Variants in LRRC75B observed in about 807,000 individuals in gnomAD.
The protein encoded by LRRC75B is leucine-rich repeat-containing protein 75B.
A neutral mutation model predicts 16.5 loss-of-function variants in LRRC75B; 20 were observed. The observed-to-expected ratio is 1.21, with a 90% CI of 0.85 to 1.76. The LOEUF is 1.76. LRRC75B is among the 40% of genes most tolerant of loss of function. The pLI is 0.00. For missense variants in LRRC75B, 406 were observed against 417.0 expected, an observed-to-expected ratio of 0.97 and a Z score of 0.23; for synonymous variants, 199 against 198.1, an observed-to-expected ratio of 1.00 and a Z score of -0.04.
At position 24,593,049 on chromosome 22, in the gene LRRC75B, G is replaced by C; in HGVS notation, c.-10C>G. ...CCAGCCGCGCCCCCATGGCCGCCGC[G>C]CGATGGTCGCCGAACCCACAGGAGG... is the stretch of plus-strand genomic sequence containing the variant. On this transcript the variant is annotated 5_prime_UTR_variant, in exon 1 of 4. Transcript: ENST00000318753. 9.6e-7 allele frequency: 1 copy of C among 1,041,382 alleles called. No homozygotes were observed. The highest frequency in any genetic ancestry group is 5.5e-5 in the Admixed American group (1 of 18,122). The allele number at this position is 1,041,382 out of a possible 1,614,324, so 64.5% of individuals were successfully genotyped here. A position where few individuals can be genotyped will look rare whatever the true frequency, so the allele number is the denominator to read the frequency against.
In LRRC75B at chr22:24,585,848, A is replaced by G. The variant is rs1302085435; in HGVS notation, c.*38T>C. The G allele has an allele frequency of 1.3e-6, 2 of 1,514,182 alleles. No homozygotes were observed. The highest frequency in any genetic ancestry group is 1.8e-6 in the Non-Finnish European group (2 of 1,131,158). 93.8% of individuals were successfully genotyped at this position (1,514,182 alleles called of 1,614,324 possible). ...CGCCCACTATCATGTGCTTGAGAGC[A>G]TCACAAGTCAGTAGCAATGAGCCAG... is the stretch of plus-strand genomic sequence containing the variant. On this transcript the variant is annotated 3_prime_UTR_variant, in exon 4 of 4. Coordinates refer to ENST00000318753, the MANE Select transcript of LRRC75B (RefSeq NM_207644.3).
Position 24,585,830 on chromosome 22 carries a change from T to A in LRRC75B, c.*56A>T. 2 of 1,464,672 alleles carry A rather than the reference T, an allele frequency of 1.4e-6. No individual in the cohort carries two copies. The highest frequency in any genetic ancestry group is 2.7e-5 in the South Asian group (2 of 74,760). 90.7% of individuals were successfully genotyped at this position (1,464,672 alleles called of 1,614,324 possible). Reference sequence around the variant, plus strand: ...GTCCTCCTTGACCTTCATCGCCCACTATCATGTGCTTGAGAGCATCACAAG... The same window carrying A: ...GTCCTCCTTGACCTTCATCGCCCACAATCATGTGCTTGAGAGCATCACAAG... On this transcript the variant is annotated 3_prime_UTR_variant, in exon 4 of 4. Coordinates refer to ENST00000318753, the MANE Select transcript of LRRC75B (RefSeq NM_207644.3).
intron 3 of LRRC75B, among the ~76,000 whole-genome samples, chr22:24,586,907 G>A (rs1406511859): frequency 6.6e-6 from 1 of 152,234 alleles, no homozygotes; most frequent in Non-Finnish European, 1.5e-5. Context: ...AAAATGGGAC[G>A]TGGTTGTTGT....
Position 24,585,801 on chromosome 22 carries a change from G to T in LRRC75B, c.*85C>A. 1 of 1,317,578 alleles carries T rather than the reference G, an allele frequency of 7.6e-7. No homozygotes were observed. Among genetic ancestry groups the T allele is most frequent in the Admixed American group, 2.6e-5 (1 of 37,836 alleles). 81.6% of individuals were successfully genotyped at this position (1,317,578 alleles called of 1,614,324 possible). ...ATTTACACTGGATTTCTGGGGGCCT[G>T]TGAGTCCTCCTTGACCTTCATCGCC... On this transcript the variant is annotated 3_prime_UTR_variant, in exon 4 of 4. Coordinates refer to ENST00000318753, the MANE Select transcript of LRRC75B (RefSeq NM_207644.3).
chr22:24,585,738 T>G lies in LRRC75B; in HGVS notation c.*148A>C. The G allele has an allele frequency of 2.1e-6, 2 of 948,104 alleles. No homozygotes were observed. The highest frequency in any genetic ancestry group is 3.1e-6 in the Non-Finnish European group (2 of 655,524). 58.7% of individuals were successfully genotyped at this position (948,104 alleles called of 1,614,324 possible). A position where few individuals can be genotyped will look rare whatever the true frequency, so the allele number is the denominator to read the frequency against. ...CCAGGGCTGGCCACCTGGCCACCTA[T>G]GAGTCCATTCTTCTGTCCCCTTAAT... is the stretch of plus-strand genomic sequence containing the variant. On this transcript the variant is annotated 3_prime_UTR_variant, in exon 4 of 4. Coordinates refer to ENST00000318753, the MANE Select transcript of LRRC75B (RefSeq NM_207644.3).
intron 2 of LRRC75B, chr22:24,589,569 A>G (rs2045507104): frequency 2.1e-6 from 1 of 485,358 alleles, no homozygotes; most frequent in East Asian, 4.6e-5. Context: ...CCTGGTGCAC[A>G]GTGCTGCCAC....
chr22:24,592,075 C>T (rs912221597), intron 1 of LRRC75B: 2 of 345,826 alleles, frequency 5.8e-6, no homozygotes, highest in East Asian at 8.3e-5. Context: ...TGGCTGACTT[C>T]CTGCTCACAG....
chr22:24,591,787 G>A (rs943960018), intron 1 of LRRC75B, among the ~76,000 whole-genome samples: 16 of 152,366 alleles, frequency 1.1e-4, no homozygotes, highest in African/African-American at 3.8e-4. Flanking sequence ...AGATCCAGGA[G>A]GAAGGCTGGC....
At chr22:24,590,488 C>G (rs1041927809) in intron 1 of LRRC75B, among the ~76,000 whole-genome samples, 5 of 152,038 alleles carry the variant, frequency 3.3e-5, no homozygotes, top group African/African-American at 4.8e-5. Context: ...ATCCCAGAAC[C>G]CTTAGACCAG....
At chr22:24,589,192 C>CCA in intron 2 of LRRC75B, 1 of 1,200,764 alleles carries the variant, frequency 8.3e-7, no homozygotes, top group Non-Finnish European at 1.1e-6. Context: ...CTGGTCACAG[C>CCA]CACACATCCT....
chr22:24,592,715 G>A (rs1418209853), intron 1 of LRRC75B, 148 bp downstream of exon 1: 37 of 1,294,162 alleles, frequency 2.9e-5, no homozygotes, highest in Non-Finnish European at 3.5e-5. Flanking sequence ...TCGCGCCCTC[G>A]GAACCCGCCT....
chr22:24,588,624 G>T, intron 2 of LRRC75B: 1 of 1,070,292 alleles, frequency 9.3e-7, no homozygotes, highest in Non-Finnish European at 1.2e-6. Flanking sequence ...CAGGGCCAGC[G>T]TCTCGGGCTA....
chr22:24,586,200 G>T lies in LRRC75B; in HGVS notation c.634C>A (p.Gln212Lys). 1 of 1,613,664 alleles carries T rather than the reference G, an allele frequency of 6.2e-7. No individual in the cohort carries two copies. Among genetic ancestry groups the T allele is most frequent in the Non-Finnish European group, 8.5e-7 (1 of 1,180,012 alleles). ...AGTCGGTTGCCGTTGAGCAGGAGCT[G>T]GGTGAGGCGGGGCAGCGCCCACAGG... ...PSLWALPRLT[Q>K]LLLNGNRLTR... Residue 212 changes from glutamine to lysine, a missense_variant, in exon 4 of 4, where the codon CAG becomes AAG. Physicochemically the swap from Gln to Lys is moderately conservative, Grantham distance 53. Transcript: ENST00000318753.
Position 24,586,157 on chromosome 22 carries a change from C to CG in LRRC75B, c.676dup (p.Arg226ProfsTer5). The CG allele has an allele frequency of 6.2e-7, 1 of 1,613,404 alleles. No homozygotes were observed. Among genetic ancestry groups the CG allele is most frequent in the Non-Finnish European group, 8.5e-7 (1 of 1,179,976 alleles). On this transcript the variant is annotated frameshift_variant, in exon 4 of 4. Transcript: ENST00000318753. LOFTEE classifies it low-confidence loss of function (END_TRUNC). ...GTCCTTGATGGCATCAGTGAGCTTG[C>CG]GGGCAGTGGCCCGCGTCAGTCGGTT...
At chr22:24,590,983 C>G (rs1010158591) in intron 1 of LRRC75B, among the ~76,000 whole-genome samples, 4 of 152,264 alleles carry the variant, frequency 2.6e-5, no homozygotes, top group Non-Finnish European at 5.9e-5. Flanking sequence ...CTCACCCCAC[C>G]GCCTGCATAG....
At position 24,585,703 on chromosome 22, in the gene LRRC75B, G is replaced by A; in HGVS notation, c.*183C>T. ...GGGCCCCTCCCACTGAGGGAAGGCT[G>A]AGCCTCTAGCCAGGGCTGGCCACCT... is the stretch of plus-strand genomic sequence containing the variant. On this transcript the variant is annotated 3_prime_UTR_variant, in exon 4 of 4. Transcript: ENST00000318753. 1.5e-6 allele frequency: 1 copy of A among 688,186 alleles called. No homozygotes were observed. The highest frequency in any genetic ancestry group is 2.4e-6 in the Non-Finnish European group (1 of 420,234). 42.6% of individuals were successfully genotyped at this position (688,186 alleles called of 1,614,324 possible).
chr22:24,585,672 G>A lies in LRRC75B; in HGVS notation c.*214C>T. The A allele has an allele frequency of 3.3e-6, 2 of 599,808 alleles. No individual in the cohort carries two copies. The highest frequency in any genetic ancestry group is 5.9e-6 in the Non-Finnish European group (2 of 341,450). 37.2% of individuals were successfully genotyped at this position (599,808 alleles called of 1,614,324 possible). ...CTTTATTGCGGGGTCCACACTGTGGGTGCTGGGGCCCCTCCCACTGAGGGA... is the reference window on the plus strand; with the variant it reads ...CTTTATTGCGGGGTCCACACTGTGGATGCTGGGGCCCCTCCCACTGAGGGA... On this transcript the variant is annotated 3_prime_UTR_variant, in exon 4 of 4. Coordinates refer to ENST00000318753, the MANE Select transcript of LRRC75B (RefSeq NM_207644.3).
rs142110239 is a variant in LRRC75B at position 24,591,086 on chromosome 22, CTCTT to C, written c.178-1141_178-1138del. On this transcript the variant is annotated intron_variant, in intron 1 of 3. Transcript: ENST00000318753. ...GGGGCTGAATACTCTTTCAGAGGGT[CTCTT>C]TGTTTTGAGACGGAGTTTTGCTCTT... Among the ~76,000 whole-genome samples the C allele has an allele frequency of 4.4e-3, 666 of 152,338 alleles. 7 individuals carry two copies. Among genetic ancestry groups the C allele is most frequent in the African/African-American group, 0.015 (641 of 41,578 alleles).
chr22:24,586,863 G>A (rs1039223459), intron 3 of LRRC75B, among the ~76,000 whole-genome samples: 1 of 152,214 alleles, frequency 6.6e-6, no homozygotes, highest in African/African-American at 2.4e-5. Context: ...GGTGGCCATG[G>A]GCAATGCTCA....
Sources: gnomAD v4.1 joint callset for allele counts (sites outside exome capture counted in the v4.1 genomes callset) on GRCh38, gnomAD v4.1.1 for gene constraint, MANE v1.5 for transcripts, NCBI Gene and HGNC (gene_info 2026-07-23, HGNC 2026-07-21) for gene names.